ZC3H3: variants seen among roughly 807,000 people sequenced by gnomAD.
The protein encoded by ZC3H3 is zinc finger CCCH domain-containing protein 3.
Under a neutral mutation model 77.3 loss-of-function variants are expected in ZC3H3, and 36 were observed. That is an observed-to-expected ratio of 0.47 (90% CI 0.36 to 0.61). The LOEUF (loss-of-function observed/expected upper bound fraction) is 0.61. Among genes scored for constraint, ZC3H3 ranks in the 20% least tolerant of loss-of-function variants. The probability of loss-of-function intolerance (pLI) is 0.00; values close to 1 mark genes in which losing one functional copy is unlikely to be tolerated. For synonymous variants in ZC3H3, 626 were observed against 555.2 expected (o/e 1.13, Z -1.79); for missense variants, 1,331 against 1,312.2 (o/e 1.01, Z -0.22).
At chr8:143,503,612 GCCGGCTCCACCACCACCTCCT>G (rs1821597173) in intron 4 of ZC3H3, among the ~76,000 whole-genome samples, 2 of 101,936 alleles carry the variant, frequency 2.0e-5, no homozygotes, top group South Asian at 3.9e-4. Context: ...CCAGCACCCA[GCCGGCTCCACCACCACCTCCT>G]CCAGCACCCA....
At chr8:143,525,530 C>T (rs1822384564) in intron 3 of ZC3H3, among the ~76,000 whole-genome samples, 1 of 152,194 alleles carries the variant, frequency 6.6e-6, no homozygotes, top group South Asian at 2.1e-4. Flanking sequence ...AGCTGGGAGC[C>T]GAGAGAGGAG....
intron 3 of ZC3H3, among the ~76,000 whole-genome samples, chr8:143,528,653 G>A (rs943131718): frequency 6.6e-6 from 1 of 152,236 alleles, no homozygotes; most frequent in Non-Finnish European, 1.5e-5. Flanking sequence ...CAAAGGGGCA[G>A]GACAGCGTCA....
chr8:143,515,360 G>A (rs1822004412), intron 3 of ZC3H3, among the ~76,000 whole-genome samples: 1 of 152,258 alleles, frequency 6.6e-6, no homozygotes, highest in Admixed American at 6.5e-5. Flanking sequence ...GCGCAGCGAG[G>A]GGCTGCAGTG....
At chr8:143,439,400 C>T (rs1009119296) in intron 11 of ZC3H3, among the ~76,000 whole-genome samples, 3 of 152,192 alleles carry the variant, frequency 2.0e-5, no homozygotes, top group Admixed American at 6.5e-5. Flanking sequence ...ATTTGCAGCC[C>T]GCCGAGCTGC....
At chr8:143,535,410 C>G (rs1317374144) in intron 3 of ZC3H3, among the ~76,000 whole-genome samples, 2 of 152,208 alleles carry the variant, frequency 1.3e-5, no homozygotes, top group Non-Finnish European at 2.9e-5. Context: ...CCCAACGCCC[C>G]ACCTTCTCCA....
chr8:143,440,135 G>T lies in ZC3H3; in HGVS notation c.2721C>A (p.Cys907Ter). 1 of 1,611,628 alleles carries T rather than the reference G, an allele frequency of 6.2e-7. No homozygotes were observed. Reference sequence around the variant, plus strand: ...GCAGGGAGATGAAGGAAGGCAGCTTGCAGAGCCTGTTGGAGCACGCTGCTG... The same window carrying T: ...GCAGGGAGATGAAGGAAGGCAGCTTTCAGAGCCTGTTGGAGCACGCTGCTG... ...ALAAACSNRLCKLPSFISLQS... is the reference protein window; with the variant it reads ...ALAAACSNRL The change falls in exon 11 of 12, where the codon TGC becomes TGA. Residue 907 changes from cysteine to a stop codon, truncating the protein, a stop_gained. Coordinates refer to ENST00000262577, the MANE Select transcript of ZC3H3 (RefSeq NM_015117.3). LOFTEE classifies it high-confidence loss of function.
At chr8:143,438,756 G>A (rs752655967) in intron 11 of ZC3H3, among the ~76,000 whole-genome samples, 1 of 152,224 alleles carries the variant, frequency 6.6e-6, no homozygotes, top group African/African-American at 2.4e-5. Flanking sequence ...GAATAGAGAT[G>A]TCTCCGTGTA....
At chr8:143,477,838 C>A (rs1349242094) in intron 4 of ZC3H3, among the ~76,000 whole-genome samples, 2 of 152,174 alleles carry the variant, frequency 1.3e-5, no homozygotes, top group Non-Finnish European at 1.5e-5. Context: ...GGTGCACCCC[C>A]CCACCGCAGC....
rs565454103 is a variant in ZC3H3 at position 143,455,230 on chromosome 8, C to T, written c.2307+10487G>A. 1.2e-4 allele frequency among the ~76,000 whole-genome samples: 18 copies of T among 152,286 alleles called. 1 individual carries two copies. The South Asian group carries it at 3.3e-3, about 28-fold the overall frequency. On this transcript the variant is annotated intron_variant, in intron 9 of 11. Transcript: ENST00000262577. The stretch of plus-strand genomic sequence containing the variant: ...TCAGGAGGCTGAAAAAGGAGAATCA[C>T]TTGAACCCAGGAGATGGAGGGTGCA...
chr8:143,489,296 G>A (rs1016738867), intron 4 of ZC3H3, among the ~76,000 whole-genome samples: 15 of 149,318 alleles, frequency 1.0e-4, no homozygotes, highest in South Asian at 2.2e-4. Flanking sequence ...GGCAGGGGAC[G>A]CCCCAGGTGG....
intron 3 of ZC3H3, among the ~76,000 whole-genome samples, chr8:143,510,489 C>A (rs1006001455): frequency 2.0e-5 from 3 of 152,260 alleles, no homozygotes; most frequent in African/African-American, 7.2e-5. Context: ...CAGATGAATT[C>A]TGAGCTGGGC....
chr8:143,455,124 G>A (rs1185693405), intron 9 of ZC3H3, among the ~76,000 whole-genome samples: 1 of 151,930 alleles, frequency 6.6e-6, no homozygotes, highest in Non-Finnish European at 1.5e-5. Flanking sequence ...GACCACCCTG[G>A]CCAACACAGT....
At chr8:143,490,560 G>C (rs1236432450) in intron 4 of ZC3H3, among the ~76,000 whole-genome samples, 3 of 152,270 alleles carry the variant, frequency 2.0e-5, no homozygotes, top group Non-Finnish European at 4.4e-5. Flanking sequence ...CCAGCCTTGA[G>C]AGGTTAATCA....
Position 143,507,874 on chromosome 8 carries a change from A to G in ZC3H3, c.1587T>C (p.Thr529=), listed in dbSNP as rs762809561. The change falls in exon 4 of 12, where the codon ACT becomes ACC. Residue 529 remains threonine, a synonymous_variant. Coordinates refer to ENST00000262577, the MANE Select transcript of ZC3H3 (RefSeq NM_015117.3). ...TCTTGATCACCTTGCTGGTGGGTGC[A>G]GTCCGCACGGCATGCAGGCTGGACG... ...KEASSLHAVR[T]APTSKVIKTR... is the part of the protein sequence containing the mutation. 7.5e-6 allele frequency: 12 copies of G among 1,605,348 alleles called. No homozygotes were observed. Among genetic ancestry groups the G allele is most frequent in the East Asian group, 2.3e-5 (1 of 44,220 alleles).
At chr8:143,482,512 T>G (rs1820933350) in intron 4 of ZC3H3, among the ~76,000 whole-genome samples, 1 of 151,972 alleles carries the variant, frequency 6.6e-6, no homozygotes, top group Non-Finnish European at 1.5e-5. Flanking sequence ...GAGGCCCTGG[T>G]CAGTTACAGA....
chr8:143,483,274 G>A (rs1408418632), intron 4 of ZC3H3, among the ~76,000 whole-genome samples: 4 of 152,244 alleles, frequency 2.6e-5, no homozygotes, highest in African/African-American at 9.6e-5. Flanking sequence ...TGGCTCGGGA[G>A]GGCGAGCATG....
Position 143,530,069 on chromosome 8 carries a change from C to T in ZC3H3, c.1561+6188G>A, listed in dbSNP as rs1181605255. On this transcript the variant is annotated intron_variant, in intron 3 of 11. Transcript: ENST00000262577. This position sits in a 1 kb window ranked among gnomAD's most constrained non-coding sequence, Gnocchi z 4.3. Reference sequence around the variant, plus strand: ...GACTGAGGGACGGGTAGGAATCGCCCTCCGTGTGTACAGCAAGCTCTGGGC... The same window carrying T: ...GACTGAGGGACGGGTAGGAATCGCCTTCCGTGTGTACAGCAAGCTCTGGGC... Among the ~76,000 whole-genome samples, 1 of 152,212 alleles carries T rather than the reference C, an allele frequency of 6.6e-6. No homozygotes were observed. Among genetic ancestry groups the T allele is most frequent in the Non-Finnish European group, 1.5e-5 (1 of 68,028 alleles).
intron 3 of ZC3H3, among the ~76,000 whole-genome samples, chr8:143,521,995 AG>A (rs1822256994): frequency 6.6e-6 from 1 of 152,102 alleles, no homozygotes; most frequent in South Asian, 2.1e-4. Flanking sequence ...CCTCTATGGA[AG>A]GGTCAGACTA....
At chr8:143,540,985 C>T (rs1822992645) in intron 1 of ZC3H3, among the ~76,000 whole-genome samples, 1 of 152,214 alleles carries the variant, frequency 6.6e-6, no homozygotes, top group Non-Finnish European at 1.5e-5. Flanking sequence ...GGAAGGAACC[C>T]GCGTGCGCCC....
Sources: gnomAD v4.1 joint callset for allele counts (sites outside exome capture counted in the v4.1 genomes callset) on GRCh38, gnomAD v4.1.1 for gene constraint, Gnocchi (gnomAD v3.1) non-coding constraint, MANE v1.5 for transcripts, NCBI Gene and HGNC (gene_info 2026-07-23, HGNC 2026-07-21) for gene names.